The following MAP4K2 variants were observed in gnomAD, a reference collection of about 807,000 sequenced individuals.
MAP4K2 encodes the protein mitogen-activated protein kinase kinase kinase kinase 2.
A neutral mutation model predicts 125.3 loss-of-function variants in MAP4K2; 85 were observed. The ratio of observed to expected loss-of-function variants is 0.68; its 90% confidence interval spans 0.57 to 0.81. The LOEUF is 0.81. MAP4K2 is among the 40% of genes least tolerant of loss of function. The probability of loss-of-function intolerance (pLI) is 0.00; values close to 1 mark genes in which losing one functional copy is unlikely to be tolerated. For synonymous variants in MAP4K2, 479 were observed against 445.1 expected, an observed-to-expected ratio of 1.08 and a Z score of -0.96; for missense variants, 923 against 1,056.4, an observed-to-expected ratio of 0.87 and a Z score of 1.75.
rs182907263 is a variant in MAP4K2 at position 64,787,601 on chromosome 11, G to A, written c.*1936C>T. 6.6e-6 allele frequency: 1 copy of A among 152,218 alleles called. No individual in the cohort carries two copies. The highest frequency in any genetic ancestry group is 1.5e-5 in the Non-Finnish European group (1 of 68,048). The allele number at this position is 152,218 out of a possible 1,614,324, so 9.4% of individuals were successfully genotyped here. ...TAAAATTTAAAGTGTTAGTCTCTCA[G>A]TGCATATTCCCTGGTTTCTCGGCCT... On this transcript the variant is annotated 3_prime_UTR_variant, in exon 32 of 32. Coordinates refer to ENST00000294066, the MANE Select transcript of MAP4K2 (RefSeq NM_004579.5).
At chr11:64,795,081 AT>A (rs141351266) in intron 24 of MAP4K2, among the ~76,000 whole-genome samples, 15,943 of 121,596 alleles carry the variant, frequency 0.13, 797 homozygotes, top group East Asian at 0.27. Flanking sequence ...TAAGTTTTCG[AT>A]TTTTTTTTTT....
chr11:64,802,375 G>T (rs758851237), intron 4 of MAP4K2, 44 bp downstream of exon 4: 34 of 1,486,742 alleles, frequency 2.3e-5, no homozygotes, highest in Middle Eastern at 1.8e-4. Context: ...GGGTAGGGGT[G>T]GGGGAAGGCT....
In MAP4K2 at chr11:64,787,405, GAATAA is replaced by G. The variant is rs1940241271; in HGVS notation, c.*2127_*2131del. Reference sequence around the variant, plus strand: ...TAATACGTATATAAAAAATCGCCAAGAATAAAATATACCAAATTGCTTAAATACGC... The same window carrying G: ...TAATACGTATATAAAAAATCGCCAAGAATATACCAAATTGCTTAAATACGC... On this transcript the variant is annotated 3_prime_UTR_variant, in exon 32 of 32. Coordinates refer to ENST00000294066, the MANE Select transcript of MAP4K2 (RefSeq NM_004579.5). The G allele has an allele frequency of 6.6e-6, 1 of 152,046 alleles. No individual in the cohort carries two copies. 9.4% of individuals were successfully genotyped at this position (152,046 alleles called of 1,614,324 possible).
rs756696294 is a variant in MAP4K2, at chr11:64,796,697, T to C, written c.1509A>G (p.Val503=). 1.2e-6 allele frequency: 2 copies of C among 1,613,808 alleles called. No individual in the cohort carries two copies. The highest frequency in any genetic ancestry group is 1.7e-6 in the Non-Finnish European group (2 of 1,179,970). Residue 503 remains valine (V), a synonymous_variant, in exon 22 of 32, where the codon GTA becomes GTG. Transcript: ENST00000294066. ...HPVTRDQFLV[V]GAEEGIYTLN... The stretch of plus-strand genomic sequence containing the variant: ...GTGTGTAGATGCCTTCCTCGGCCCC[T>C]ACCACCAGGAACTGGTCTGCCAGTT...
rs1592603111 is a variant in MAP4K2 at position 64,800,151 on chromosome 11, G to A, written c.873C>T (p.Asp291=). 1.2e-6 allele frequency: 2 copies of A among 1,612,892 alleles called. No individual in the cohort carries two copies. The highest frequency in any genetic ancestry group is 1.7e-6 in the Non-Finnish European group (2 of 1,179,682). ...CAGGGGAGGGGGTCCCCAGATGAGG[G>A]TCACTGGCTTTGTCCAGCAGCTGTG... ...LLTQLLDKAS[D]PHLGTPSPED... The change falls in exon 12 of 32, where the codon GAC becomes GAT. Residue 291 remains aspartate, a synonymous_variant. Transcript: ENST00000294066.
chr11:64,802,674 T>C (rs1941287018), intron 2 of MAP4K2, 21 bp from the exon 3 acceptor site: 2 of 1,608,264 alleles, frequency 1.2e-6, no homozygotes, highest in African/African-American at 1.3e-5. Context: ...CAAAGCATCA[T>C]GGGGAAGGCG....
chr11:64,791,867 T>A, intron 27 of MAP4K2, 42 bp downstream of exon 27: 1 of 1,497,922 alleles, frequency 6.7e-7, no homozygotes, highest in Non-Finnish European at 8.9e-7. Flanking sequence ...CGGTCTCTCA[T>A]GCACACACAC....
In MAP4K2 at chr11:64,802,439, G is replaced by T. The variant is rs775113865; in HGVS notation, c.290C>A (p.Ser97Tyr). The part of the protein sequence containing the change: ...WICMEFCGGG[S>Y]LQEIYHATGP... Reference sequence around the variant, plus strand: ...CTCACCATGGTAAATCTCCTGCAGGGAGCCCCCTCCGCAGAACTCCATGCA... The same window carrying T: ...CTCACCATGGTAAATCTCCTGCAGGTAGCCCCCTCCGCAGAACTCCATGCA... The change falls in exon 4 of 32, where the codon TCC becomes TAC. Residue 97 changes from serine (S) to tyrosine (Y), a missense_variant. Ser to Tyr is a moderately radical substitution (Grantham distance 144). Coordinates refer to ENST00000294066, the MANE Select transcript of MAP4K2 (RefSeq NM_004579.5). 6.7e-7 allele frequency: 1 copy of T among 1,500,168 alleles called. No individual in the cohort carries two copies. Among genetic ancestry groups the T allele is most frequent in the Admixed American group, 2.4e-5 (1 of 42,082 alleles). The allele number at this position is 1,500,168 out of a possible 1,614,324, so 92.9% of individuals were successfully genotyped here. A position where few individuals can be genotyped will look rare whatever the true frequency, so the allele number is the denominator to read the frequency against.
chr11:64,801,780 G>C (rs1223574198), intron 5 of MAP4K2, 23 bp from the exon 6 acceptor site: 1 of 1,611,376 alleles, frequency 6.2e-7, no homozygotes, highest in Admixed American at 1.7e-5. Flanking sequence ...AGGAGTCCCT[G>C]AGAGCAGCCA....
In MAP4K2 at chr11:64,784,922, T is replaced by C. The variant is rs2136028788; in HGVS notation, c.*4615A>G. 1 of 152,318 alleles carries C rather than the reference T, an allele frequency of 6.6e-6. No individual in the cohort carries two copies. The highest frequency in any genetic ancestry group is 1.9e-4 in the East Asian group (1 of 5,190). 9.4% of individuals were successfully genotyped at this position (152,318 alleles called of 1,614,324 possible). ...TATCCAACAAAGACAGGTACATGAA[T>C]GTTTATAGCAGCTTTATTTGTAATA... is the stretch of plus-strand genomic sequence containing the variant. On this transcript the variant is annotated 3_prime_UTR_variant, in exon 32 of 32. Transcript: ENST00000294066.
chr11:64,798,942 G>A, intron 14 of MAP4K2, 105 bp from the exon 15 acceptor site: 1 of 940,362 alleles, frequency 1.1e-6, no homozygotes. Flanking sequence ...CAGACAGACG[G>A]GAAAGGTGAG....
intron 20 of MAP4K2, 39 bp from the exon 21 acceptor site, chr11:64,796,932 G>A: frequency 2.5e-6 from 4 of 1,613,954 alleles, no homozygotes; most frequent in Non-Finnish European, 3.4e-6. Context: ...GAGTGCAGGG[G>A]TGGTGGGTGG....
rs2136032393 is a variant in MAP4K2 at position 64,788,656 on chromosome 11, GATCGT to G, written c.*876_*880del. 6.6e-6 allele frequency: 1 copy of G among 152,366 alleles called. No individual in the cohort carries two copies. Among genetic ancestry groups the G allele is most frequent in the Admixed American group, 6.5e-5 (1 of 15,308 alleles). The allele number at this position is 152,366 out of a possible 1,614,324, so 9.4% of individuals were successfully genotyped here. A position where few individuals can be genotyped will look rare whatever the true frequency, so the allele number is the denominator to read the frequency against. ...GGCTAGCCTTCCCATCCAATCTGATGATCGTGCTGTCATCTGATGTTCCTGGTCTA... is the reference window on the plus strand; with the variant it reads ...GGCTAGCCTTCCCATCCAATCTGATGGCTGTCATCTGATGTTCCTGGTCTA... On this transcript the variant is annotated 3_prime_UTR_variant, in exon 32 of 32. Transcript: ENST00000294066.
In MAP4K2 at chr11:64,789,077, G is replaced by C. The variant is rs569353604; in HGVS notation, c.*460C>G. The C allele has an allele frequency of 5.7e-6, 1 of 175,460 alleles. No homozygotes were observed. Among genetic ancestry groups the C allele is most frequent in the African/African-American group, 2.4e-5 (1 of 41,854 alleles). The allele number at this position is 175,460 out of a possible 1,614,324, so 10.9% of individuals were successfully genotyped here. On this transcript the variant is annotated 3_prime_UTR_variant, in exon 32 of 32. Transcript: ENST00000294066. ...GTGGTGCCCACAGAAACGTGTGTTG[G>C]AGGGAAGGAGGCGGGAGATGAGGTG...
At chr11:64,797,756 A>T in intron 15 of MAP4K2, 92 bp from the exon 16 acceptor site, 1 of 1,239,612 alleles carries the variant, frequency 8.1e-7, no homozygotes, top group Non-Finnish European at 1.1e-6. Context: ...CCCAGGCCGG[A>T]GTGCAGTGGC....
intron 29 of MAP4K2, 112 bp downstream of exon 29, chr11:64,790,076 A>T: frequency 1.3e-6 from 2 of 1,532,234 alleles, no homozygotes; most frequent in South Asian, 1.1e-5. Flanking sequence ...AGGATGGCTC[A>T]GGAGAGGGGC....
In MAP4K2 at chr11:64,792,254, G is replaced by A. The variant is rs1413272279; in HGVS notation, c.1832C>T (p.Ala611Val). The A allele has an allele frequency of 4.3e-6, 7 of 1,611,094 alleles. No individual in the cohort carries two copies. In the South Asian group the frequency reaches 5.5e-5, roughly 13 times the overall value. ...GGGCAGGGCGGCCAGCAGGAAGGTG[G>A]CACCCGTGTAGGGGTTCCGCACTGG... The part of the protein sequence containing the change: ...CRVVRNPYTG[A>V]TFLLAALPTS... Residue 611 changes from alanine to valine, a missense_variant, in exon 26 of 32, where the codon GCC becomes GTC. Coordinates refer to ENST00000294066, the MANE Select transcript of MAP4K2 (RefSeq NM_004579.5).
Position 64,796,713 on chromosome 11 carries a change from T to C in MAP4K2, c.1493A>G (p.Asp498Gly). ...AVTWIHPVTR[D>G]QFLVVGAEEG... ...CTCGGCCCCTACCACCAGGAACTGGTCTGCCAGTTTGGGCATGGGGTCAGA... is the reference window on the plus strand; with the variant it reads ...CTCGGCCCCTACCACCAGGAACTGGCCTGCCAGTTTGGGCATGGGGTCAGA... The change falls in exon 22 of 32, where the codon GAC (aspartate) becomes GGC (glycine). Residue 498 changes from aspartate (D) to glycine (G), a missense_variant and splice_region_variant. Asp to Gly is a moderately conservative substitution (Grantham distance 94). Transcript: ENST00000294066. 11 of 1,614,016 alleles carry C rather than the reference T, an allele frequency of 6.8e-6. No individual in the cohort carries two copies. The highest frequency in any genetic ancestry group is 9.3e-6 in the Non-Finnish European group (11 of 1,180,008).
intron 28 of MAP4K2, 28 bp downstream of exon 28, chr11:64,790,366 C>T (rs371578192): frequency 1.9e-6 from 3 of 1,613,824 alleles, no homozygotes; most frequent in Non-Finnish European, 2.5e-6. Flanking sequence ...TAGTCCCCTG[C>T]CCTAAGCCCT....
Sources: allele counts gnomAD v4.1 joint callset (sites outside exome capture counted in the v4.1 genomes callset), GRCh38; gene constraint gnomAD v4.1.1; transcripts MANE v1.5; gene names NCBI Gene and HGNC (gene_info 2026-07-23, HGNC 2026-07-21).